RABGAP1L: variants seen among roughly 807,000 people sequenced by gnomAD.
The protein encoded by RABGAP1L is rab GTPase-activating protein 1-like.
A neutral mutation model predicts 137.7 loss-of-function variants in RABGAP1L; 63 were observed. That is an observed-to-expected ratio of 0.46 (90% CI 0.37 to 0.56). RABGAP1L has a LOEUF of 0.56. RABGAP1L is among the 20% of genes least tolerant of loss of function. RABGAP1L has a pLI of 0.00. For synonymous variants in RABGAP1L, 431 were observed against 433.7 expected, an observed-to-expected ratio of 0.99 and a Z score of 0.08; for missense variants, 1,095 against 1,244.0, an observed-to-expected ratio of 0.88 and a Z score of 1.80.
chr1:174,859,706 G>A (rs1649943674), intron 19 of RABGAP1L, among the ~76,000 whole-genome samples: 1 of 152,082 alleles, frequency 6.6e-6, no homozygotes, highest in Non-Finnish European at 1.5e-5. Flanking sequence ...GAGGGTAGGA[G>A]GGAGAGGATC....
At chr1:174,210,649 A>C (rs1242536103) in intron 1 of RABGAP1L, among the ~76,000 whole-genome samples, 4 of 152,176 alleles carry the variant, frequency 2.6e-5, no homozygotes, top group Non-Finnish European at 1.5e-5. Flanking sequence ...TAAAGAGGAG[A>C]TAGAGAAAGA....
In RABGAP1L at chr1:174,493,993, G is replaced by C. The variant is rs1028114064; in HGVS notation, c.1710+99848G>C. ...TTTGGCAGTTGCCATTTTTCAGTTA[G>C]ATGGTATTTTTCAAACAAATAATTT... On this transcript the variant is annotated intron_variant, in intron 13 of 25. Coordinates refer to ENST00000681986, the MANE Select transcript of RABGAP1L (RefSeq NM_001366446.1). Among the ~76,000 whole-genome samples the C allele has an allele frequency of 2.8e-4, 43 of 152,254 alleles. 1 individual carries two copies. Among genetic ancestry groups the C allele is most frequent in the African/African-American group, 1.0e-3 (43 of 41,540 alleles).
intron 18 of RABGAP1L, among the ~76,000 whole-genome samples, chr1:174,753,236 A>T (rs561294646): frequency 6.6e-6 from 1 of 152,354 alleles, no homozygotes; most frequent in East Asian, 1.9e-4. Flanking sequence ...TTTACTGCCT[A>T]GTAAAGTTAG....
intron 1 of RABGAP1L, among the ~76,000 whole-genome samples, chr1:174,168,736 T>A (rs1665113529): frequency 6.6e-6 from 1 of 152,252 alleles, no homozygotes; most frequent in African/African-American, 2.4e-5. Flanking sequence ...TAAATATTAC[T>A]GTTATTCAAA....
intron 10 of RABGAP1L, among the ~76,000 whole-genome samples, chr1:174,282,202 A>G (rs181033983): frequency 1.3e-5 from 2 of 152,342 alleles, no homozygotes; most frequent in Admixed American, 6.5e-5. Context: ...TATGGTAAGT[A>G]GAAACTGCCA....
intron 19 of RABGAP1L, among the ~76,000 whole-genome samples, chr1:174,918,611 C>T (rs1410120623): frequency 1.3e-5 from 2 of 151,982 alleles, no homozygotes; most frequent in African/African-American, 2.4e-5. Context: ...AGTGAAACCT[C>T]GTCTCTAGAA....
chr1:174,635,623 G>A (rs181832210), intron 13 of RABGAP1L, among the ~76,000 whole-genome samples: 2 of 148,194 alleles, frequency 1.3e-5, no homozygotes, highest in Non-Finnish European at 3.0e-5. Flanking sequence ...TTTTACTGAA[G>A]TTATGGTGAT....
intron 13 of RABGAP1L, among the ~76,000 whole-genome samples, chr1:174,472,155 C>T (rs917462178): frequency 3.9e-5 from 6 of 152,184 alleles, no homozygotes; most frequent in South Asian, 2.1e-4. Flanking sequence ...GTTTAAGACA[C>T]CCAGCTGTAT....
At chr1:174,616,367 C>A (rs979410765) in intron 13 of RABGAP1L, among the ~76,000 whole-genome samples, 8 of 152,228 alleles carry the variant, frequency 5.3e-5, no homozygotes, top group African/African-American at 1.4e-4. Context: ...AACTTCAAAG[C>A]AAACATTTTA....
chr1:174,856,253 G>A (rs572834017), intron 19 of RABGAP1L, among the ~76,000 whole-genome samples: 7 of 152,022 alleles, frequency 4.6e-5, no homozygotes, highest in African/African-American at 1.7e-4. Context: ...AAAATTAGCC[G>A]GGTGTGGTGG....
chr1:174,860,068 A>T (rs1650033031), intron 19 of RABGAP1L, among the ~76,000 whole-genome samples: 1 of 151,360 alleles, frequency 6.6e-6, no homozygotes, highest in Non-Finnish European at 1.5e-5. Context: ...ATCACAATCC[A>T]GACACAAGTC....
rs569669340 is a variant in RABGAP1L at position 174,238,561 on chromosome 1, C to A, written c.543-2922C>A. The stretch of plus-strand genomic sequence containing the variant: ...GTCAGTGTGCCTCTGCTGGGGGGTG[C>A]CTCCCAGTTAGGCTGCTCGGGGGTC... On this transcript the variant is annotated intron_variant, in intron 4 of 25. Coordinates refer to ENST00000681986, the MANE Select transcript of RABGAP1L (RefSeq NM_001366446.1). Among the ~76,000 whole-genome samples the A allele has an allele frequency of 1.8e-4, 28 of 151,984 alleles. No homozygotes were observed. In the East Asian group the frequency reaches 5.4e-3, roughly 29 times the overall value.
At chr1:174,380,452 G>A (rs1490682147) in intron 12 of RABGAP1L, among the ~76,000 whole-genome samples, 2 of 150,570 alleles carry the variant, frequency 1.3e-5, no homozygotes, top group African/African-American at 4.8e-5. Context: ...ATTGATTATT[G>A]CCACAATTTC....
At chr1:174,762,860 G>A (rs61828068) in intron 18 of RABGAP1L, among the ~76,000 whole-genome samples, 12,998 of 140,458 alleles carry the variant, frequency 0.093, 783 homozygotes, top group East Asian at 0.22. Flanking sequence ...TGTTGCTCAG[G>A]CTGGAGTGCA....
At chr1:174,823,149 T>C (rs1301165988) in intron 19 of RABGAP1L, among the ~76,000 whole-genome samples, 2 of 152,208 alleles carry the variant, frequency 1.3e-5, no homozygotes, top group Non-Finnish European at 2.9e-5. Flanking sequence ...TCAAAAACTT[T>C]AAGTTTTCTT....
intron 13 of RABGAP1L, chr1:174,545,622 C>G (rs373191843): frequency 6.5e-6 from 1 of 152,950 alleles, no homozygotes; most frequent in Non-Finnish European, 1.5e-5. Flanking sequence ...GAGATGAACC[C>G]GGTACCTCTG....
At chr1:174,611,572 G>GT (rs1313663667) in intron 13 of RABGAP1L, among the ~76,000 whole-genome samples, 2 of 149,214 alleles carry the variant, frequency 1.3e-5, no homozygotes, top group Admixed American at 1.3e-4. Context: ...CTTTAAAGTA[G>GT]TTTTTTCCAA....
intron 13 of RABGAP1L, among the ~76,000 whole-genome samples, chr1:174,582,436 A>G (rs1668812184): frequency 6.6e-6 from 1 of 152,090 alleles, no homozygotes; most frequent in Non-Finnish European, 1.5e-5. Flanking sequence ...CCATGAAGGA[A>G]GAGGTTCAAG....
intron 11 of RABGAP1L, 41 bp downstream of exon 11, chr1:174,305,168 C>G: frequency 6.8e-7 from 1 of 1,471,128 alleles, no homozygotes; most frequent in Non-Finnish European, 8.9e-7. Flanking sequence ...GTCTGTATAG[C>G]TGCTTTACTT....
Sources: gnomAD v4.1 joint callset for allele counts (sites outside exome capture counted in the v4.1 genomes callset) on GRCh38, gnomAD v4.1.1 for gene constraint, MANE v1.5 for transcripts, NCBI Gene and HGNC (gene_info 2026-07-23, HGNC 2026-07-21) for gene names.